GRAP2: variants seen among roughly 807,000 people sequenced by gnomAD.
The protein encoded by GRAP2 is GRB2 related adaptor protein 2, also known as GRB2-related adapter protein 2.
A neutral mutation model predicts 43.5 loss-of-function variants in GRAP2; 31 were observed. The observed-to-expected ratio is 0.71, with a 90% CI of 0.54 to 0.96. The LOEUF is 0.96. Ranked by LOEUF, GRAP2 falls within the 40% of genes least tolerant of loss-of-function variation. GRAP2 has a pLI of 0.00. For missense variants in GRAP2, 371 were observed against 424.4 expected, an observed-to-expected ratio of 0.87 and a Z score of 1.11; for synonymous variants, 156 against 164.8, an observed-to-expected ratio of 0.95 and a Z score of 0.41.
In GRAP2 at chr22:39,970,956, G is replaced by A. The variant is rs1275531139; in HGVS notation, c.865G>A (p.Glu289Lys). The change falls in exon 8 of 8, where the codon GAG (glutamate) becomes AAG (lysine). Residue 289 changes from glutamate to lysine, a missense_variant. By Grantham distance (56) the Glu-to-Lys change is moderately conservative. Coordinates refer to ENST00000344138, the MANE Select transcript of GRAP2 (RefSeq NM_004810.4). Reference sequence around the variant, plus strand: ...TGACTTTGAGGCCCTGGAGGATGACGAGCTGGGGTTCCACAGCGGGGAGGT... The same window carrying A: ...TGACTTTGAGGCCCTGGAGGATGACAAGCTGGGGTTCCACAGCGGGGAGGT... ...LYDFEALEDD[E>K]LGFHSGEVVE... is the part of the protein sequence containing the mutation. 4.3e-6 allele frequency: 7 copies of A among 1,613,352 alleles called. No individual in the cohort carries two copies. Among genetic ancestry groups the A allele is most frequent in the South Asian group, 1.1e-5 (1 of 90,998 alleles).
At chr22:39,896,680 G>A (rs893963880), upstream of GRAP2, among the ~76,000 whole-genome samples, 1 of 152,088 alleles carries the variant, frequency 6.6e-6, no homozygotes, top group African/African-American at 2.4e-5. Flanking sequence ...AAACAGTGAG[G>A]GAGTTGGTTA....
chr22:39,928,246 G>A (rs2066724459), intron 1 of GRAP2, among the ~76,000 whole-genome samples: 1 of 152,144 alleles, frequency 6.6e-6, no homozygotes, highest in Non-Finnish European at 1.5e-5. Flanking sequence ...ATCTCCAAGG[G>A]AGAAAGAAAT....
the GRAP2 span, among the ~76,000 whole-genome samples, chr22:39,896,076 G>A: frequency 3.3e-5 from 5 of 152,196 alleles, no homozygotes; most frequent in African/African-American, 1.2e-4. Context: ...GACTTGTTAT[G>A]TTTGGAGAAG....
intron 1 of GRAP2, among the ~76,000 whole-genome samples, chr22:39,909,276 A>G (rs548910121): frequency 2.4e-4 from 37 of 152,364 alleles, no homozygotes; most frequent in African/African-American, 8.9e-4. Context: ...GTGTGAAGTC[A>G]AGGAATCCCC....
At chr22:39,964,462 AAGCAGAAACAAAAAGAGG>A in intron 4 of GRAP2, 1 of 1,014,616 alleles carries the variant, frequency 9.9e-7, no homozygotes, top group Non-Finnish European at 1.5e-6. Flanking sequence ...GAAGGCTTTC[AAGCAGAAACAAAAAGAGG>A]AGCAGAAGAA....
intron 1 of GRAP2, among the ~76,000 whole-genome samples, chr22:39,922,631 G>A (rs2066662617): frequency 6.6e-6 from 1 of 152,186 alleles, no homozygotes. Context: ...GCAATGAGGA[G>A]GGGAGAATGG....
intron 2 of GRAP2, among the ~76,000 whole-genome samples, chr22:39,952,199 G>A (rs1292218542): frequency 1.3e-5 from 2 of 151,836 alleles, no homozygotes; most frequent in Non-Finnish European, 2.9e-5. Context: ...GCTAATTTTT[G>A]TCTTTATGGT....
chr22:39,938,473 G>A (rs1045614296), intron 1 of GRAP2, among the ~76,000 whole-genome samples: 5 of 152,240 alleles, frequency 3.3e-5, no homozygotes, highest in African/African-American at 1.2e-4. Flanking sequence ...ACAAGGCAAG[G>A]CCATGGGGTT....
At chr22:39,898,891 T>TA (rs2066475818), upstream of GRAP2, among the ~76,000 whole-genome samples, 1 of 152,042 alleles carries the variant, frequency 6.6e-6, no homozygotes, top group Non-Finnish European at 1.5e-5. Flanking sequence ...AGGAATTGAT[T>TA]AAAAAAATTT....
intron 1 of GRAP2, among the ~76,000 whole-genome samples, chr22:39,922,842 C>T (rs929205434): frequency 6.6e-6 from 1 of 152,078 alleles, no homozygotes; most frequent in Admixed American, 6.5e-5. Context: ...CAGGAGCTCA[C>T]AACCAGCCTG....
chr22:39,924,036 C>A (rs370210547), intron 1 of GRAP2, among the ~76,000 whole-genome samples: 55 of 152,304 alleles, frequency 3.6e-4, no homozygotes, highest in Middle Eastern at 6.8e-3. Flanking sequence ...TTAAGTAAGT[C>A]ACTCATGTTC....
At chr22:39,913,469 G>A (rs1389585627) in intron 1 of GRAP2, among the ~76,000 whole-genome samples, 5 of 152,160 alleles carry the variant, frequency 3.3e-5, no homozygotes, top group African/African-American at 4.8e-5. Flanking sequence ...GAACTGGGGC[G>A]CCTCAGAGCC....
chr22:39,930,364 A>G (rs1413566833), intron 1 of GRAP2, among the ~76,000 whole-genome samples: 6 of 152,168 alleles, frequency 3.9e-5, no homozygotes, highest in South Asian at 2.1e-4. Context: ...TTTGATACAT[A>G]TGAACTTGGG....
upstream of GRAP2, among the ~76,000 whole-genome samples, chr22:39,897,370 C>T (rs2066469780): frequency 6.6e-6 from 1 of 152,144 alleles, no homozygotes; most frequent in Admixed American, 6.5e-5. Context: ...ATTGATGCTA[C>T]ATTCTAATAC....
At position 39,955,865 on chromosome 22, in the gene GRAP2, A is replaced by G. The variant is rs1159751923; in HGVS notation, c.125A>G (p.Gln42Arg). The G allele has an allele frequency of 1.3e-6, 2 of 1,593,968 alleles. No individual in the cohort carries two copies. The highest frequency in any genetic ancestry group is 2.2e-5 in the South Asian group (2 of 90,698). ...EEWFKAELGS[Q>R]EGYVPKNFID... ...TGGTTTAAGGCGGAGCTTGGGAGCC[A>G]GGAAGGATATGTGCCCAAGAATTTC... The change falls in exon 3 of 8, where the codon CAG becomes CGG. Residue 42 changes from glutamine to arginine, a missense_variant. Gln to Arg is a conservative substitution (Grantham distance 43). Coordinates refer to ENST00000344138, the MANE Select transcript of GRAP2 (RefSeq NM_004810.4).
At position 39,939,037 on chromosome 22, in the gene GRAP2, A is replaced by G. The variant is rs186413408; in HGVS notation, c.-14-8056A>G. Among the ~76,000 whole-genome samples, 247 of 152,296 alleles carry G rather than the reference A, an allele frequency of 1.6e-3. 1 individual carries two copies. Among genetic ancestry groups the G allele is most frequent in the African/African-American group, 5.5e-3 (227 of 41,560 alleles). ...ATGAGTCACTGGGGACAAGAGAAAA[A>G]CAAAAATGCCCTGTATGTGCAAAAC... is the stretch of plus-strand genomic sequence containing the variant. On this transcript the variant is annotated intron_variant, in intron 1 of 7. Transcript: ENST00000344138.
chr22:39,907,538 A>C (rs1048930971), intron 1 of GRAP2, among the ~76,000 whole-genome samples: 1 of 152,142 alleles, frequency 6.6e-6, no homozygotes, highest in Admixed American at 6.6e-5. Flanking sequence ...GGAGATTGAG[A>C]CCAGCCTGGG....
At chr22:39,904,186 G>A (rs1424197413) in intron 1 of GRAP2, among the ~76,000 whole-genome samples, 1 of 152,098 alleles carries the variant, frequency 6.6e-6, no homozygotes, top group Non-Finnish European at 1.5e-5. Flanking sequence ...GTCAGGAGTT[G>A]GAGACAAGCC....
chr22:39,897,180 A>G (rs767465193), upstream of GRAP2, among the ~76,000 whole-genome samples: 1 of 152,028 alleles, frequency 6.6e-6, no homozygotes, highest in African/African-American at 2.4e-5. Flanking sequence ...TTGCCTTCCA[A>G]ACCTTCTCTC....
Sources: gnomAD v4.1 joint callset for allele counts (sites outside exome capture counted in the v4.1 genomes callset) on GRCh38, gnomAD v4.1.1 for gene constraint, MANE v1.5 for transcripts, NCBI Gene and HGNC (gene_info 2026-07-23, HGNC 2026-07-21) for gene names.